Variants in TATDN2 observed in about 807,000 individuals in gnomAD.
TATDN2 encodes the protein 3'-5' RNA nuclease TATDN2.
TATDN2 carries 44 observed loss-of-function variants against 60.3 expected under a neutral mutation model. The ratio of observed to expected loss-of-function variants is 0.73; its 90% CI spans 0.57 to 0.94. The LOEUF (loss-of-function observed/expected upper bound fraction) is 0.94, where lower values mean the gene tolerates loss of function less well. Ranked by LOEUF, TATDN2 falls within the 40% of genes least tolerant of loss-of-function variation. TATDN2 has a pLI of 0.00. For missense variants in TATDN2, 997 were observed against 948.0 expected, an observed-to-expected ratio of 1.05 and a Z score of -0.68; for synonymous variants, 399 against 355.8, an observed-to-expected ratio of 1.12 and a Z score of -1.37.
At chr3:10,277,824 A>G (rs1698660927) in intron 5 of TATDN2, among the ~76,000 whole-genome samples, 1 of 152,238 alleles carries the variant, frequency 6.6e-6, no homozygotes, top group Non-Finnish European at 1.5e-5. Context: ...ATATGGCACC[A>G]AGAACATGAA....
At chr3:10,273,198 T>G (rs528092952) in intron 4 of TATDN2, among the ~76,000 whole-genome samples, 9 of 152,264 alleles carry the variant, frequency 5.9e-5, no homozygotes, top group Non-Finnish European at 1.0e-4. Context: ...TCTGAGGAGT[T>G]GCTGGCTGGG....
intron 3 of TATDN2, among the ~76,000 whole-genome samples, chr3:10,267,126 G>A (rs1015611834): frequency 6.6e-6 from 1 of 151,858 alleles, no homozygotes; most frequent in Non-Finnish European, 1.5e-5. Context: ...TTGCCATGTT[G>A]CCCAGGCTGG....
At chr3:10,254,989 C>T (rs1698284464) in intron 2 of TATDN2, among the ~76,000 whole-genome samples, 1 of 140,384 alleles carries the variant, frequency 7.1e-6, no homozygotes, top group Non-Finnish European at 1.5e-5. Flanking sequence ...TTCCCCCTTC[C>T]CCCTTCCTCC....
intron 3 of TATDN2, among the ~76,000 whole-genome samples, chr3:10,267,486 G>C (rs1698495674): frequency 6.6e-6 from 1 of 152,150 alleles, no homozygotes; most frequent in Non-Finnish European, 1.5e-5. Context: ...TCATTTGAAA[G>C]AGGATCCAAA....
chr3:10,274,956 A>T (rs1698613288), intron 4 of TATDN2, among the ~76,000 whole-genome samples: 1 of 152,004 alleles, frequency 6.6e-6, no homozygotes, highest in African/African-American at 2.4e-5. Flanking sequence ...TCATGGAAAC[A>T]TTAATATGAG....
In TATDN2 at chr3:10,248,486, G is replaced by T. The variant is rs1316963286; in HGVS notation, c.-588G>T. The T allele has an allele frequency of 3.9e-5, 6 of 152,188 alleles. No individual in the cohort carries two copies. Among genetic ancestry groups the T allele is most frequent in the African/African-American group, 7.2e-5 (3 of 41,452 alleles). The allele number at this position is 152,188 out of a possible 1,614,324, so 9.4% of individuals were successfully genotyped here. Reference sequence around the variant, plus strand: ...CGCTCTCCGGCCTGCGGGCCGCAGGGCTCGTTCCGGAGGGCGGGCGCCACG... The same window carrying T: ...CGCTCTCCGGCCTGCGGGCCGCAGGTCTCGTTCCGGAGGGCGGGCGCCACG... On this transcript the variant is annotated 5_prime_UTR_variant, in exon 1 of 8. Transcript: ENST00000448281.
At chr3:10,271,709 T>A (rs1189753660) in intron 4 of TATDN2, among the ~76,000 whole-genome samples, 1 of 152,224 alleles carries the variant, frequency 6.6e-6, no homozygotes, top group East Asian at 1.9e-4. Flanking sequence ...TCTGTTAATA[T>A]TTTTTTCTTT....
chr3:10,274,610 G>T (rs560302181), intron 4 of TATDN2, among the ~76,000 whole-genome samples: 1 of 152,138 alleles, frequency 6.6e-6, no homozygotes, highest in Non-Finnish European at 1.5e-5. Context: ...TGTAGGGGTC[G>T]GGGAGGGCAG....
intron 4 of TATDN2, among the ~76,000 whole-genome samples, chr3:10,275,347 TTCA>T (rs2125181110): frequency 6.6e-6 from 1 of 152,364 alleles, no homozygotes; most frequent in African/African-American, 2.4e-5. Flanking sequence ...CTCTACTTTT[TTCA>T]TTTAAATTAA....
At chr3:10,276,273 G>T (rs770883965) in intron 4 of TATDN2, 88 bp from the exon 5 acceptor site, 102 of 1,502,806 alleles carry the variant, frequency 6.8e-5, no homozygotes, top group Middle Eastern at 2.4e-4. Context: ...AGAGACACAG[G>T]GGGTGCCTGC....
chr3:10,249,764 G>A (rs1698193649), intron 2 of TATDN2, 150 bp downstream of exon 2: 1 of 968,426 alleles, frequency 1.0e-6, no homozygotes, highest in African/African-American at 1.7e-5. Context: ...CCCCAAACTC[G>A]AAGACCTAGC....
chr3:10,256,678 C>T (rs935119603), intron 2 of TATDN2, among the ~76,000 whole-genome samples: 1 of 151,994 alleles, frequency 6.6e-6, no homozygotes, highest in Non-Finnish European at 1.5e-5. Context: ...AGCAGCTGCC[C>T]GTCTGAGGGT....
chr3:10,259,557 A>G (rs1698369363), intron 2 of TATDN2, among the ~76,000 whole-genome samples: 1 of 152,230 alleles, frequency 6.6e-6, no homozygotes, highest in Admixed American at 6.5e-5. Context: ...TGTTGGGAGC[A>G]GTCTATCTTG....
rs148132028 is a variant in TATDN2 at position 10,278,435 on chromosome 3, G to A, written c.2118G>A (p.Thr706=). The change falls in exon 6 of 8, where the codon ACG becomes ACA. Residue 706 remains threonine, a synonymous_variant. Transcript: ENST00000448281. The surrounding 1 kb of genome is among the most constrained non-coding windows in gnomAD (Gnocchi z 4.7). ...CACTGGAGAGAATCATCGTGGAAACGGATGCTCCCTATTTCCTCCCTCGCC... is the reference window on the plus strand; with the variant it reads ...CACTGGAGAGAATCATCGTGGAAACAGATGCTCCCTATTTCCTCCCTCGCC... The part of the protein sequence containing the change: ...QIPLERIIVE[T]DAPYFLPRQV... 2.3e-4 allele frequency: 371 copies of A among 1,613,724 alleles called. 3 individuals are homozygous for A. The African/African-American group carries it at 4.5e-3, about 20-fold the overall frequency.
Position 10,270,544 on chromosome 3 carries a change from A to G in TATDN2, c.1362A>G (p.Ser454=). The G allele has an allele frequency of 6.2e-7, 1 of 1,614,274 alleles. No homozygotes were observed. Among genetic ancestry groups the G allele is most frequent in the Non-Finnish European group, 8.5e-7 (1 of 1,180,046 alleles). Residue 454 remains serine (S), a synonymous_variant, in exon 4 of 8, where the codon TCA becomes TCG. Coordinates refer to ENST00000448281, the MANE Select transcript of TATDN2 (RefSeq NM_014760.4). ...GTTCATTTCGCTTCTCCAGAAGCTC[A>G]GAAGAAAGAGAGGTGAAGGAGAAAA... ...NSRSFRFSRS[S]EEREVKEKRT... is the part of the protein sequence containing the mutation.
chr3:10,278,177 C>T lies in TATDN2; in HGVS notation c.1962-102C>T. ...AGTCCTTCCCTAGGATGCAGTCTTT[C>T]CATTTCTGGGAATCATTGAAAAGGG... On this transcript the variant is annotated intron_variant, in intron 5 of 7. Transcript: ENST00000448281. This position sits in a 1 kb window ranked among gnomAD's most constrained non-coding sequence, Gnocchi z 4.7. 7.3e-7 allele frequency: 1 copy of T among 1,361,366 alleles called. No homozygotes were observed. Among genetic ancestry groups the T allele is most frequent in the South Asian group, 1.4e-5 (1 of 73,498 alleles). The allele number at this position is 1,361,366 out of a possible 1,614,324, so 84.3% of individuals were successfully genotyped here.
intron 2 of TATDN2, among the ~76,000 whole-genome samples, chr3:10,256,747 C>T (rs1490901234): frequency 5.3e-5 from 8 of 151,736 alleles, no homozygotes; most frequent in South Asian, 2.1e-4. Context: ...GTGGCTACAG[C>T]GGGAGCAGAG....
chr3:10,262,146 G>C (rs1377644729), intron 3 of TATDN2, among the ~76,000 whole-genome samples: 1 of 152,114 alleles, frequency 6.6e-6, no homozygotes, highest in Non-Finnish European at 1.5e-5. Context: ...TAAGGAATCT[G>C]TTTCTTTTTT....
chr3:10,249,355 C>T lies in TATDN2; in HGVS notation c.155C>T (p.Pro52Leu), dbSNP rs772638799. Reference sequence around the variant, plus strand: ...TCGCGTTCTGGAGGGCCCAGCAGCCCCAAGCGCCTGAAAGCCCAGAAGGAG... The same window carrying T: ...TCGCGTTCTGGAGGGCCCAGCAGCCTCAAGCGCCTGAAAGCCCAGAAGGAG... ...SASRSGGPSS[P>L]KRLKAQKEDD... The change falls in exon 2 of 8, where the codon CCC becomes CTC. Residue 52 changes from proline to leucine, a missense_variant. Transcript: ENST00000448281. 6.2e-7 allele frequency: 1 copy of T among 1,612,860 alleles called. No individual in the cohort carries two copies. The highest frequency in any genetic ancestry group is 1.7e-5 in the Admixed American group (1 of 59,914).
Sources: allele counts gnomAD v4.1 joint callset (sites outside exome capture counted in the v4.1 genomes callset), GRCh38; gene constraint gnomAD v4.1.1; non-coding constraint Gnocchi (gnomAD v3.1); transcripts MANE v1.5; gene names NCBI Gene and HGNC (gene_info 2026-07-23, HGNC 2026-07-21).